The following PBX3 variants were observed in gnomAD, a reference collection of about 807,000 sequenced individuals.
PBX3 encodes pre-B-cell leukemia transcription factor 3.
PBX3 carries 14 observed loss-of-function variants against 48.5 expected under a neutral mutation model. The observed-to-expected ratio is 0.29, with a 90% CI of 0.19 to 0.45. The LOEUF is 0.45. Among genes scored for constraint, PBX3 ranks in the 20% least tolerant of loss-of-function variants. The probability of loss-of-function intolerance (pLI) is 1.00; values close to 1 mark genes in which losing one functional copy is unlikely to be tolerated. For missense variants in PBX3, 386 were observed against 546.7 expected (o/e 0.71, Z 2.93); for synonymous variants, 210 against 200.3 (o/e 1.05, Z -0.41).
At chr9:125,782,873 G>T (rs955610607) in intron 2 of PBX3, among the ~76,000 whole-genome samples, 4 of 151,954 alleles carry the variant, frequency 2.6e-5, no homozygotes, top group African/African-American at 9.7e-5. Context: ...CTTTAAATAT[G>T]TTGTCCCATT....
At chr9:125,896,418 C>G (rs373662703) in intron 2 of PBX3, among the ~76,000 whole-genome samples, 1 of 152,052 alleles carries the variant, frequency 6.6e-6, no homozygotes, top group Non-Finnish European at 1.5e-5. Context: ...GTGGAAATTT[C>G]CAACTCAAAG....
At chr9:125,889,854 A>G (rs1389643924) in intron 2 of PBX3, among the ~76,000 whole-genome samples, 1 of 147,542 alleles carries the variant, frequency 6.8e-6, no homozygotes, top group Non-Finnish European at 1.5e-5. Flanking sequence ...TGCGAGAACA[A>G]TGGGCGCGCC....
chr9:125,807,971 C>G (rs1391089015), intron 2 of PBX3, among the ~76,000 whole-genome samples: 4 of 152,120 alleles, frequency 2.6e-5, no homozygotes, highest in Admixed American at 1.3e-4. Context: ...TTGCTAATCT[C>G]TGGGTGAATG....
chr9:125,884,522 A>G (rs1840454260), intron 2 of PBX3, among the ~76,000 whole-genome samples: 1 of 152,236 alleles, frequency 6.6e-6, no homozygotes. Context: ...AATCAAGAAC[A>G]ACAAAACCTA....
intron 2 of PBX3, among the ~76,000 whole-genome samples, chr9:125,847,054 G>A (rs965243489): frequency 1.3e-5 from 2 of 151,904 alleles, no homozygotes; most frequent in African/African-American, 4.8e-5. Flanking sequence ...AGTTGGATCT[G>A]TAGGCTTAGT....
chr9:125,759,744 A>G lies in PBX3; in HGVS notation c.274+11121A>G, dbSNP rs1836614940. On this transcript the variant is annotated intron_variant, in intron 2 of 8. Transcript: ENST00000373489. This position sits in a 1 kb window ranked among gnomAD's most constrained non-coding sequence, Gnocchi z 4.2. ...TTGTTTTTCACACATAAGTTATGCA[A>G]ATGAGCTTTTATGGCAACTGGCATA... 6.6e-6 allele frequency among the ~76,000 whole-genome samples: 1 copy of G among 152,214 alleles called. No homozygotes were observed. Among genetic ancestry groups the G allele is most frequent in the African/African-American group, 2.4e-5 (1 of 41,456 alleles).
intron 2 of PBX3, among the ~76,000 whole-genome samples, chr9:125,823,228 C>T (rs552114732): frequency 1.3e-5 from 2 of 152,276 alleles, no homozygotes; most frequent in East Asian, 3.9e-4. Flanking sequence ...TGATTATTGA[C>T]ATTTTCAAAT....
At chr9:125,949,410 C>A in intron 5 of PBX3, 1 of 1,550,772 alleles carries the variant, frequency 6.4e-7, no homozygotes, top group Non-Finnish European at 8.7e-7. Flanking sequence ...AAAGAGGGAG[C>A]AAAGGTTCTG....
At chr9:125,935,977 T>C (rs1230888427) in intron 5 of PBX3, among the ~76,000 whole-genome samples, 1 of 152,216 alleles carries the variant, frequency 6.6e-6, no homozygotes, top group Non-Finnish European at 1.5e-5. Flanking sequence ...GAAACCAATT[T>C]ATTTGTTGCC....
chr9:125,790,482 G>A (rs1443778918), intron 2 of PBX3, among the ~76,000 whole-genome samples: 5 of 151,940 alleles, frequency 3.3e-5, no homozygotes, highest in East Asian at 1.9e-4. Context: ...TTGAACTCCC[G>A]AGCTCAGGCA....
At chr9:125,793,366 A>AATATATATATATATATATATATATAT (rs1554855765) in intron 2 of PBX3, among the ~76,000 whole-genome samples, 3 of 101,972 alleles carry the variant, frequency 2.9e-5, no homozygotes, top group African/African-American at 1.3e-4. Flanking sequence ...GGAAAAAAAA[A>AATATATATATATATATATATATATAT]ATATATATAT....
At chr9:125,812,987 G>A (rs1838338305) in intron 2 of PBX3, among the ~76,000 whole-genome samples, 1 of 152,146 alleles carries the variant, frequency 6.6e-6, no homozygotes, top group African/African-American at 2.4e-5. Flanking sequence ...GAATGTTTAG[G>A]CCTAGGACAT....
At chr9:125,855,039 T>TA (rs1180820527) in intron 2 of PBX3, among the ~76,000 whole-genome samples, 1 of 152,224 alleles carries the variant, frequency 6.6e-6, no homozygotes, top group Non-Finnish European at 1.5e-5. Context: ...TAAGTCAAAT[T>TA]AAGTCAGTTT....
At chr9:125,833,217 G>A (rs1325123966) in intron 2 of PBX3, among the ~76,000 whole-genome samples, 2 of 152,126 alleles carry the variant, frequency 1.3e-5, no homozygotes, top group African/African-American at 2.4e-5. Context: ...CAGGCGTGGT[G>A]ACTCATGCCT....
chr9:125,793,673 G>C (rs1373628630), intron 2 of PBX3, among the ~76,000 whole-genome samples: 1 of 151,710 alleles, frequency 6.6e-6, no homozygotes, highest in Non-Finnish European at 1.5e-5. Context: ...CAGGTAATCC[G>C]CCTGCCTCGT....
At chr9:125,928,223 TA>T (rs1841624505) in intron 3 of PBX3, among the ~76,000 whole-genome samples, 2 of 151,478 alleles carry the variant, frequency 1.3e-5, no homozygotes, top group Non-Finnish European at 2.9e-5. Context: ...AAAAAATACA[TA>T]AAAAATTAGC....
intron 2 of PBX3, among the ~76,000 whole-genome samples, chr9:125,875,639 C>G (rs767766069): frequency 2.0e-5 from 3 of 152,066 alleles, no homozygotes; most frequent in Non-Finnish European, 2.9e-5. Context: ...GTTCTTGGTT[C>G]AATCTTCCTG....
At chr9:125,792,638 A>T (rs1180849696) in intron 2 of PBX3, among the ~76,000 whole-genome samples, 1 of 152,128 alleles carries the variant, frequency 6.6e-6, no homozygotes, top group East Asian at 1.9e-4. Flanking sequence ...GTTTTTCATA[A>T]ACAAAAAATT....
intron 2 of PBX3, among the ~76,000 whole-genome samples, chr9:125,912,606 A>G (rs1386615833): frequency 1.3e-5 from 2 of 152,132 alleles, no homozygotes; most frequent in Admixed American, 6.6e-5. Context: ...TACGGAAATG[A>G]ATGTTGTGAT....
Sources: gnomAD v4.1 joint callset for allele counts (sites outside exome capture counted in the v4.1 genomes callset) on GRCh38, gnomAD v4.1.1 for gene constraint, Gnocchi (gnomAD v3.1) non-coding constraint, MANE v1.5 for transcripts, NCBI Gene and HGNC (gene_info 2026-07-23, HGNC 2026-07-21) for gene names.